PODXL2: variants seen among roughly 807,000 people sequenced by gnomAD.
The protein encoded by PODXL2 is podocalyxin-like protein 2.
In PODXL2, 17 loss-of-function variants were observed where a neutral mutation model predicts 53.4. The ratio of observed to expected loss-of-function variants is 0.32; its 90% CI spans 0.22 to 0.48. The LOEUF is 0.48. Ranked by LOEUF, PODXL2 falls within the 20% of genes least tolerant of loss-of-function variation. PODXL2 has a pLI of 0.99. For synonymous variants in PODXL2, 311 were observed against 306.7 expected, an observed-to-expected ratio of 1.01 and a Z score of -0.15; for missense variants, 673 against 760.0, an observed-to-expected ratio of 0.89 and a Z score of 1.35.
intron 2 of PODXL2, among the ~76,000 whole-genome samples, chr3:127,648,026 A>G (rs1393542670): frequency 6.6e-6 from 1 of 151,918 alleles, no homozygotes; most frequent in Non-Finnish European, 1.5e-5. Context: ...TGTCATTTTC[A>G]CTTGGATTTT....
chr3:127,671,608 C>T lies in PODXL2; in HGVS notation c.1600C>T (p.His534Tyr). The T allele has an allele frequency of 6.2e-7, 1 of 1,613,132 alleles. No homozygotes were observed. The highest frequency in any genetic ancestry group is 8.5e-7 in the Non-Finnish European group (1 of 1,179,940). ...GCAGCGCCGGCTGCCCAAGCTCAAG[C>T]ACGTGGTGAGTGTGGGGACAGGTGG... Reference protein sequence around the residue: ...CWQRRLPKLKHVSHGEELRFV... With the variant: ...CWQRRLPKLKYVSHGEELRFV... Residue 534 changes from histidine (H) to tyrosine (Y), a missense_variant, in exon 7 of 8, where the codon CAC (histidine) becomes TAC (tyrosine). Physicochemically the swap from His to Tyr is moderately conservative, Grantham distance 83. Coordinates refer to ENST00000342480, the MANE Select transcript of PODXL2 (RefSeq NM_015720.4).
intron 1 of PODXL2, among the ~76,000 whole-genome samples, chr3:127,634,646 A>C (rs1242044355): frequency 6.6e-6 from 1 of 151,950 alleles, no homozygotes; most frequent in East Asian, 1.9e-4. Flanking sequence ...GAATCGCTTG[A>C]ACCTGAGAGG....
intron 4 of PODXL2, among the ~76,000 whole-genome samples, chr3:127,664,007 A>T (rs977222082): frequency 6.6e-6 from 1 of 152,188 alleles, no homozygotes; most frequent in African/African-American, 2.4e-5. Context: ...TGTAGTAAAA[A>T]ACATAAAATT....
At chr3:127,651,017 C>T (rs771511459) in intron 2 of PODXL2, among the ~76,000 whole-genome samples, 10 of 152,196 alleles carry the variant, frequency 6.6e-5, no homozygotes, top group Non-Finnish European at 1.3e-4. Flanking sequence ...GTAATCCCAA[C>T]GCTTCGGGAG....
In PODXL2 at chr3:127,672,419, T is replaced by G. The variant is rs76958748; in HGVS notation, c.1757T>G (p.Leu586Arg). 13 of 1,541,690 alleles carry G rather than the reference T, an allele frequency of 8.4e-6. No individual in the cohort carries two copies. The highest frequency in any genetic ancestry group is 9.6e-6 in the Non-Finnish European group (11 of 1,145,556). ...AACGGCCCGGGGAGCTGGGGGGCGC[T>G]CATGGGGGGCAAGCGGGACCCCGAG... ...ALNGPGSWGA[L>R]MGGKRDPEDS... Residue 586 changes from leucine (L) to arginine (R), a missense_variant, in exon 8 of 8, where the codon CTC becomes CGC. Physicochemically the swap from Leu to Arg is moderately radical, Grantham distance 102 (BLOSUM62 -2). This residue lies in a region of PODXL2 where 79 missense variants were observed against 70.5 expected (regional missense o/e 1.12). Coordinates refer to ENST00000342480, the MANE Select transcript of PODXL2 (RefSeq NM_015720.4).
intron 4 of PODXL2, among the ~76,000 whole-genome samples, chr3:127,664,331 C>CTT (rs575540265): frequency 7.0e-6 from 1 of 141,908 alleles, no homozygotes. Context: ...GCAGAAATTT[C>CTT]TTTTTTTTTT....
chr3:127,661,407 G>A (rs1394934464), intron 3 of PODXL2, among the ~76,000 whole-genome samples: 4 of 151,934 alleles, frequency 2.6e-5, no homozygotes, highest in Admixed American at 2.0e-4. Context: ...ATTTGTTCAT[G>A]TGTTACCATT....
chr3:127,661,453 C>T (rs1349561751), intron 3 of PODXL2, among the ~76,000 whole-genome samples: 4 of 151,034 alleles, frequency 2.6e-5, no homozygotes, highest in Non-Finnish European at 5.9e-5. Flanking sequence ...TTTTTTTTCC[C>T]GAGATGGAGT....
intron 1 of PODXL2, among the ~76,000 whole-genome samples, chr3:127,630,636 G>C (rs1249169485): frequency 3.3e-5 from 5 of 152,190 alleles, no homozygotes; most frequent in Non-Finnish European, 7.3e-5. Context: ...GCTGGGAGGG[G>C]AAAGTGGTCC....
intron 2 of PODXL2, among the ~76,000 whole-genome samples, chr3:127,640,626 G>A (rs547322241): frequency 8.9e-4 from 136 of 152,116 alleles, no homozygotes; most frequent in Non-Finnish European, 1.6e-3. Context: ...GCTTGAACCC[G>A]GGAGGTGGAG....
intron 2 of PODXL2, among the ~76,000 whole-genome samples, chr3:127,653,336 G>T (rs186167556): frequency 1.4e-4 from 21 of 152,132 alleles, no homozygotes; most frequent in African/African-American, 4.3e-4. Flanking sequence ...AAGCATGTTC[G>T]CTGACCTGTA....
intron 2 of PODXL2, among the ~76,000 whole-genome samples, chr3:127,658,628 A>C (rs1559877136): frequency 6.6e-6 from 1 of 152,138 alleles, no homozygotes. Flanking sequence ...ACTGATATTA[A>C]TTAGAAGCTT....
chr3:127,652,244 C>T (rs1350776116), intron 2 of PODXL2, among the ~76,000 whole-genome samples: 1 of 152,208 alleles, frequency 6.6e-6, no homozygotes, highest in Non-Finnish European at 1.5e-5. Context: ...GGGCCCTTTG[C>T]TCTTGCAGGG....
intron 2 of PODXL2, among the ~76,000 whole-genome samples, chr3:127,651,424 A>T (rs2074688335): frequency 6.6e-6 from 1 of 152,246 alleles, no homozygotes; most frequent in Non-Finnish European, 1.5e-5. Context: ...TTTCCTCTGA[A>T]GGCGGTGCTA....
intron 2 of PODXL2, among the ~76,000 whole-genome samples, chr3:127,640,808 G>A (rs573658775): frequency 1.3e-5 from 2 of 152,280 alleles, no homozygotes; most frequent in East Asian, 3.9e-4. Context: ...CACTTTATGT[G>A]CAAAATTGGA....
At chr3:127,666,388 CAGAG>C (rs1559878959) in intron 4 of PODXL2, among the ~76,000 whole-genome samples, 2 of 148,756 alleles carry the variant, frequency 1.3e-5, no homozygotes, top group African/African-American at 5.0e-5. Context: ...GCTGACATCA[CAGAG>C]AGCTGACAAA....
chr3:127,638,353 A>G (rs760096027), intron 1 of PODXL2, among the ~76,000 whole-genome samples: 3 of 152,244 alleles, frequency 2.0e-5, no homozygotes, highest in Non-Finnish European at 4.4e-5. Flanking sequence ...CCAAGATTCT[A>G]AACAAATATG....
intron 2 of PODXL2, among the ~76,000 whole-genome samples, chr3:127,648,440 C>G (rs777499029): frequency 3.9e-5 from 6 of 152,156 alleles, no homozygotes; most frequent in Non-Finnish European, 8.8e-5. Flanking sequence ...GTGGACAGAG[C>G]AACAAAGAGA....
In PODXL2 at chr3:127,672,759, C is replaced by T. The variant is rs803324; in HGVS notation, c.*279C>T. 4.8e-3 allele frequency: 1,879 copies of T among 393,922 alleles called. 41 individuals are homozygous for T. Among genetic ancestry groups the T allele is most frequent in the African/African-American group, 0.036 (1,731 of 47,544 alleles). The allele number at this position is 393,922 out of a possible 1,614,324, so 24.4% of individuals were successfully genotyped here. ...GCGGCGGGCGGCGCTTCCTGCGCCC[C>T]GGGACTCAATTAAACCCGCCCGGAG... On this transcript the variant is annotated 3_prime_UTR_variant, in exon 8 of 8. Transcript: ENST00000342480.
Sources: gnomAD v4.1 joint callset for allele counts (sites outside exome capture counted in the v4.1 genomes callset) on GRCh38, gnomAD v4.1.1 for gene constraint, gnomAD v4.1.1 regional missense constraint, MANE v1.5 for transcripts, NCBI Gene and HGNC (gene_info 2026-07-23, HGNC 2026-07-21) for gene names.